The following RGSL1 variants were observed in gnomAD, a reference collection of about 807,000 sequenced individuals.
RGSL1 encodes the protein regulator of G protein signaling like 1.
Under a neutral mutation model 124.7 loss-of-function variants are expected in RGSL1, and 97 were observed. That is an observed-to-expected ratio of 0.78 (90% CI 0.66 to 0.92). The LOEUF is 0.92. Ranked by LOEUF, RGSL1 falls within the 40% of genes least tolerant of loss-of-function variation. The pLI, the probability that RGSL1 is intolerant of heterozygous loss-of-function variation, is 0.00. For missense variants in RGSL1, 1,233 were observed against 1,288.4 expected (o/e 0.96, Z 0.66); for synonymous variants, 424 against 438.1 (o/e 0.97, Z 0.40).
At chr1:182,452,003 A>G (rs192618742) in intron 1 of RGSL1, among the ~76,000 whole-genome samples, 80 of 152,126 alleles carry the variant, frequency 5.3e-4, no homozygotes, top group African/African-American at 1.8e-3. Context: ...GAGCAAGAGT[A>G]AGAGAGATTG....
At chr1:182,517,886 C>T (rs1658018084) in intron 9 of RGSL1, among the ~76,000 whole-genome samples, 1 of 152,068 alleles carries the variant, frequency 6.6e-6, no homozygotes, top group Admixed American at 6.5e-5. Context: ...TTTCAGGTTC[C>T]TTGTTTTGAT....
intron 21 of RGSL1, among the ~76,000 whole-genome samples, chr1:182,559,618 C>T (rs183596096): frequency 4.6e-5 from 7 of 152,316 alleles, no homozygotes; most frequent in Admixed American, 1.3e-4. Flanking sequence ...CTTTTATTCC[C>T]CTCCTTCACC....
At chr1:182,537,339 T>G (rs560884995) in intron 14 of RGSL1, among the ~76,000 whole-genome samples, 2 of 152,276 alleles carry the variant, frequency 1.3e-5, no homozygotes, top group South Asian at 4.1e-4. Flanking sequence ...ATAAATAAAT[T>G]TCGTGTTTAG....
At chr1:182,524,075 A>T (rs1354340422) in intron 10 of RGSL1, among the ~76,000 whole-genome samples, 2 of 152,356 alleles carry the variant, frequency 1.3e-5, no homozygotes, top group East Asian at 3.9e-4. Context: ...AAAATAGTCC[A>T]GTGATGTTGA....
rs865857877 is a variant in RGSL1 at position 182,488,673 on chromosome 1, C to T, written c.1495-307C>T. 1.1e-4 allele frequency: 35 copies of T among 328,552 alleles called. No homozygotes were observed. In the South Asian group the frequency reaches 1.3e-3, roughly 12 times the overall value. The allele number at this position is 328,552 out of a possible 1,614,324, so 20.4% of individuals were successfully genotyped here. A position where few individuals can be genotyped will look rare whatever the true frequency, so the allele number is the denominator to read the frequency against. ...CCCGGGAGGCGGAGCTTGCAGTGAG[C>T]CGAGATCCCGCCACTGCACTCCAGC... On this transcript the variant is annotated intron_variant, in intron 7 of 21. Coordinates refer to ENST00000294854, the MANE Select transcript of RGSL1 (RefSeq NM_001137669.2).
intron 10 of RGSL1, among the ~76,000 whole-genome samples, chr1:182,524,630 A>T (rs569000): frequency 0.86 from 131,611 of 152,252 alleles, 57,214 homozygotes; most frequent in Non-Finnish European, 0.89. Context: ...TCTGTGGCAT[A>T]GTAACTTCTA....
intron 2 of RGSL1, among the ~76,000 whole-genome samples, chr1:182,454,626 G>GTGTGTGT: frequency 7.1e-6 from 1 of 141,828 alleles, no homozygotes; most frequent in African/African-American, 2.6e-5. Context: ...GTGTGTGTGT[G>GTGTGTGT]GCCCCCAGTA....
At chr1:182,543,979 T>C (rs960019015) in intron 15 of RGSL1, among the ~76,000 whole-genome samples, 2 of 152,072 alleles carry the variant, frequency 1.3e-5, no homozygotes, top group African/African-American at 4.8e-5. Context: ...ATCTTCTGTA[T>C]TTTTAGTCTT....
rs934520159 is a variant in RGSL1, at chr1:182,540,287, A to G, written c.2535A>G (p.Pro845=). The change falls in exon 15 of 22, where the codon CCA becomes CCG. Residue 845 remains proline (P), a synonymous_variant. Coordinates refer to ENST00000294854, the MANE Select transcript of RGSL1 (RefSeq NM_001137669.2). ...TAHNTSGRSA[P]PSTNVRSADQ... ...ACAACACATCGGGACGTTCAGCTCC[A>G]CCCTCCACAAATGTCCGGAGTGCAG... The G allele has an allele frequency of 6.4e-7, 1 of 1,551,360 alleles. No individual in the cohort carries two copies. Among genetic ancestry groups the G allele is most frequent in the Non-Finnish European group, 8.7e-7 (1 of 1,146,780 alleles).
At position 182,506,538 on chromosome 1, in the gene RGSL1, A is replaced by G. The variant is rs80142887; in HGVS notation, c.1825+13409A>G. ...CTTTATAGTCTTTGTCTCCATTTTG[A>G]TAGTCATTACCTTTTATCCCATCTT... is the stretch of plus-strand genomic sequence containing the variant. On this transcript the variant is annotated intron_variant, in intron 9 of 21. Transcript: ENST00000294854. 5.7e-3 allele frequency among the ~76,000 whole-genome samples: 873 copies of G among 152,120 alleles called. 9 individuals carry two copies. Among genetic ancestry groups the G allele is most frequent in the African/African-American group, 0.02 (844 of 41,522 alleles).
At chr1:182,472,589 TGC>T (rs1263685583) in intron 5 of RGSL1, 32 bp downstream of exon 5, 1 of 1,484,098 alleles carries the variant, frequency 6.7e-7, no homozygotes, top group Non-Finnish European at 9.0e-7. Flanking sequence ...TTTGGGGGGA[TGC>T]AACAAAAAAG....
chr1:182,489,177 G>C lies in RGSL1; in HGVS notation c.1692G>C (p.Glu564Asp). 1 of 1,551,740 alleles carries C rather than the reference G, an allele frequency of 6.4e-7. No homozygotes were observed. Among genetic ancestry groups the C allele is most frequent in the African/African-American group, 1.4e-5 (1 of 73,180 alleles). Residue 564 changes from glutamate to aspartate, a missense_variant, in exon 8 of 22, where the codon GAG becomes GAC. Glu to Asp is a conservative substitution (Grantham distance 45). Coordinates refer to ENST00000294854, the MANE Select transcript of RGSL1 (RefSeq NM_001137669.2). ...AGCAAGGAGGCTCTCTCCAGGTAGA[G>C]CTGACATCTCCAGTGTTTCTAACAG... ...DLKQGGSLQV[E>D]LTSPVFLTDI...
intron 9 of RGSL1, among the ~76,000 whole-genome samples, chr1:182,511,707 T>C (rs1182206171): frequency 1.3e-5 from 2 of 152,190 alleles, no homozygotes; most frequent in African/African-American, 4.8e-5. Context: ...CCTTTTTGCT[T>C]AGGATTGCTT....
At chr1:182,483,641 C>A (rs1558283014) in intron 6 of RGSL1, among the ~76,000 whole-genome samples, 1 of 151,812 alleles carries the variant, frequency 6.6e-6, no homozygotes, top group Admixed American at 6.6e-5. Context: ...TGCTTATTTT[C>A]TTTTTTTAAC....
chr1:182,492,670 G>A (rs1397283547), intron 8 of RGSL1, among the ~76,000 whole-genome samples: 1 of 150,950 alleles, frequency 6.6e-6, no homozygotes, highest in African/African-American at 2.4e-5. Context: ...TGTGGCCCAG[G>A]CTGGATGGAG....
chr1:182,456,515 C>A (rs1453236925), intron 2 of RGSL1, among the ~76,000 whole-genome samples: 1 of 152,210 alleles, frequency 6.6e-6, no homozygotes, highest in Non-Finnish European at 1.5e-5. Flanking sequence ...TCAGGCTGAT[C>A]TCAAACTCCA....
chr1:182,450,141 A>T, upstream of RGSL1: 3 of 1,551,940 alleles, frequency 1.9e-6, no homozygotes, highest in Non-Finnish European at 2.6e-6. Flanking sequence ...CTAACAAATT[A>T]CTGTGTCAGG....
intron 9 of RGSL1, among the ~76,000 whole-genome samples, chr1:182,512,512 G>C (rs1657536267): frequency 6.6e-6 from 1 of 152,196 alleles, no homozygotes; most frequent in South Asian, 2.1e-4. Flanking sequence ...CAGACAGGCA[G>C]GTTCAGGAGC....
intron 13 of RGSL1, among the ~76,000 whole-genome samples, chr1:182,531,546 C>G (rs1292308567): frequency 6.6e-6 from 1 of 152,128 alleles, no homozygotes. Flanking sequence ...TGATCTGACT[C>G]CAGAGATCAT....
Sources: gnomAD v4.1 joint callset for allele counts (sites outside exome capture counted in the v4.1 genomes callset) on GRCh38, gnomAD v4.1.1 for gene constraint, MANE v1.5 for transcripts, NCBI Gene and HGNC (gene_info 2026-07-23, HGNC 2026-07-21) for gene names.